DSCAML1: variants seen among roughly 807,000 people sequenced by gnomAD.
DSCAML1 encodes DS cell adhesion molecule like 1.
DSCAML1 carries 38 observed loss-of-function variants against 200.5 expected under a neutral mutation model. The ratio of observed to expected loss-of-function variants is 0.19; its 90% CI spans 0.15 to 0.25. The LOEUF (loss-of-function observed/expected upper bound fraction) is 0.25, where lower values mean the gene tolerates loss of function less well. Among genes scored for constraint, DSCAML1 ranks in the 10% least tolerant of loss-of-function variants. The pLI, the probability that DSCAML1 is intolerant of heterozygous loss-of-function variation, is 1.00. For synonymous variants in DSCAML1, 1,215 were observed against 1,165.0 expected, an observed-to-expected ratio of 1.04 and a Z score of -0.87; for missense variants, 2,223 against 2,858.8, an observed-to-expected ratio of 0.78 and a Z score of 5.07.
chr11:117,486,251 GAT>G (rs2049050868), intron 11 of DSCAML1, among the ~76,000 whole-genome samples: 1 of 72,374 alleles, frequency 1.4e-5, no homozygotes, highest in African/African-American at 5.9e-5. Flanking sequence ...GAAAGTGGCG[GAT>G]GGGAAAGTGG....
chr11:117,430,633 GTGCTGGCAGAACTAGA>G, intron 32 of DSCAML1, 73 bp downstream of exon 32: 1 of 1,442,992 alleles, frequency 6.9e-7, no homozygotes, highest in Non-Finnish European at 9.3e-7. Context: ...CATGATCCTG[GTGCTGGCAGAACTAGA>G]TCTAGCCAGG....
At chr11:117,678,049 A>G (rs1041415478) in intron 3 of DSCAML1, among the ~76,000 whole-genome samples, 3 of 152,230 alleles carry the variant, frequency 2.0e-5, no homozygotes, top group Admixed American at 2.0e-4. Flanking sequence ...GGAGCAGTGC[A>G]GTGTTAAAGG....
At chr11:117,438,226 T>G (rs2047963903) in intron 24 of DSCAML1, 143 bp from the exon 25 acceptor site, 2 of 732,822 alleles carry the variant, frequency 2.7e-6, no homozygotes, top group Non-Finnish European at 4.3e-6. Context: ...ATATGCTCCT[T>G]AGAAGCAAAA....
chr11:117,682,012 G>A (rs1157955910), intron 3 of DSCAML1, among the ~76,000 whole-genome samples: 1 of 152,172 alleles, frequency 6.6e-6, no homozygotes, highest in East Asian at 1.9e-4. Context: ...TCATTCTTTA[G>A]TGTCCTCTTA....
chr11:117,486,727 C>A (rs936939832), intron 11 of DSCAML1, among the ~76,000 whole-genome samples: 51 of 151,980 alleles, frequency 3.4e-4, no homozygotes, highest in Non-Finnish European at 2.4e-4. Context: ...CCACAGAATC[C>A]TAGCATCCTA....
Position 117,588,993 on chromosome 11 carries a change from A to G in DSCAML1, c.512-56471T>C, listed in dbSNP as rs565332152. Among the ~76,000 whole-genome samples, 5 of 152,322 alleles carry G rather than the reference A, an allele frequency of 3.3e-5. 1 individual carries two copies. In the South Asian group the frequency reaches 1.0e-3, roughly 32 times the overall value. On this transcript the variant is annotated intron_variant, in intron 3 of 32. Coordinates refer to ENST00000651296, the MANE Select transcript of DSCAML1 (RefSeq NM_020693.4). ...TCATCGACCCAAATAAAATAAGGAC[A>G]CACAGGGGGAGAGGCTGCTACAAAG...
chr11:117,754,826 C>T (rs529139793), intron 3 of DSCAML1, among the ~76,000 whole-genome samples: 57 of 152,204 alleles, frequency 3.7e-4, no homozygotes, highest in African/African-American at 5.3e-4. Flanking sequence ...CACCTACTTA[C>T]GGGTGCCTCC....
intron 3 of DSCAML1, among the ~76,000 whole-genome samples, chr11:117,576,585 C>G (rs1336302144): frequency 6.6e-6 from 1 of 152,232 alleles, no homozygotes; most frequent in Non-Finnish European, 1.5e-5. Context: ...GCTCCTAGCA[C>G]CGTGCCTGGC....
chr11:117,603,928 G>A (rs555526605), intron 3 of DSCAML1, among the ~76,000 whole-genome samples: 3 of 152,330 alleles, frequency 2.0e-5, no homozygotes, highest in South Asian at 2.1e-4. Context: ...ATTTGTAATC[G>A]CTAAAATGAC....
chr11:117,437,835 C>A lies in DSCAML1; in HGVS notation c.4432+60G>T. On this transcript the variant is annotated intron_variant, in intron 25 of 32. Transcript: ENST00000651296. The surrounding 1 kb of genome is among the most constrained non-coding windows in gnomAD (Gnocchi z 5.3). Reference sequence around the variant, plus strand: ...CCACCTTACACCCCATACCTGGCCCCTCTAGCCCACCCTCCCTGGGCCCAT... The same window carrying A: ...CCACCTTACACCCCATACCTGGCCCATCTAGCCCACCCTCCCTGGGCCCAT... The A allele has an allele frequency of 6.6e-7, 1 of 1,504,934 alleles. No homozygotes were observed. The highest frequency in any genetic ancestry group is 1.3e-5 in the South Asian group (1 of 76,762). The allele number at this position is 1,504,934 out of a possible 1,614,324, so 93.2% of individuals were successfully genotyped here.
chr11:117,644,168 C>T (rs921897826), intron 3 of DSCAML1, among the ~76,000 whole-genome samples: 1 of 152,232 alleles, frequency 6.6e-6, no homozygotes, highest in African/African-American at 2.4e-5. Context: ...CGCTTCCTCT[C>T]TCTCCAGAAA....
At chr11:117,432,586 T>C in intron 29 of DSCAML1, 82 bp from the exon 30 acceptor site, 2 of 1,450,592 alleles carry the variant, frequency 1.4e-6, no homozygotes, top group Non-Finnish European at 1.9e-6. Flanking sequence ...TTTCTCTTTG[T>C]CTTTATCCAA....
intron 3 of DSCAML1, among the ~76,000 whole-genome samples, chr11:117,554,957 A>C (rs1389554546): frequency 6.6e-6 from 1 of 152,140 alleles, no homozygotes; most frequent in Non-Finnish European, 1.5e-5. Flanking sequence ...GACTGCTTCC[A>C]CGTCCCCTGC....
chr11:117,814,921 G>A (rs2055791665), intron 1 of DSCAML1, among the ~76,000 whole-genome samples: 1 of 152,240 alleles, frequency 6.6e-6, no homozygotes, highest in African/African-American at 2.4e-5. Flanking sequence ...AGTATTTACT[G>A]GAGAGCCGAG....
At chr11:117,656,124 G>A (rs2052729444) in intron 3 of DSCAML1, among the ~76,000 whole-genome samples, 1 of 152,242 alleles carries the variant, frequency 6.6e-6, no homozygotes, top group Non-Finnish European at 1.5e-5. Context: ...TGTAATCTCA[G>A]CCACTCGGGA....
chr11:117,710,722 A>T (rs953078013), intron 3 of DSCAML1, among the ~76,000 whole-genome samples: 2 of 152,220 alleles, frequency 1.3e-5, no homozygotes, highest in African/African-American at 4.8e-5. Flanking sequence ...GTGTTTGCAA[A>T]TGAGCAAAGC....
chr11:117,596,695 T>C (rs1320174831), intron 3 of DSCAML1, among the ~76,000 whole-genome samples: 1 of 152,194 alleles, frequency 6.6e-6, no homozygotes, highest in South Asian at 2.1e-4. Context: ...AGGGAAAAAG[T>C]AGTGAAAAGG....
chr11:117,612,351 C>T (rs1462263432), intron 3 of DSCAML1, among the ~76,000 whole-genome samples: 1 of 152,162 alleles, frequency 6.6e-6, no homozygotes, highest in East Asian at 1.9e-4. Context: ...CAGATGTTTC[C>T]CATCAGTCTG....
At chr11:117,814,248 C>T (rs2055784307) in intron 1 of DSCAML1, among the ~76,000 whole-genome samples, 1 of 152,180 alleles carries the variant, frequency 6.6e-6, no homozygotes, top group Non-Finnish European at 1.5e-5. Context: ...TTGGACTCAG[C>T]CCGCCTGCAC....
Sources: allele counts gnomAD v4.1 joint callset (sites outside exome capture counted in the v4.1 genomes callset), GRCh38; gene constraint gnomAD v4.1.1; non-coding constraint Gnocchi (gnomAD v3.1); transcripts MANE v1.5; gene names NCBI Gene and HGNC (gene_info 2026-07-23, HGNC 2026-07-21).